The following CDKAL1 variants were observed in gnomAD, a reference collection of about 807,000 sequenced individuals.
The protein encoded by CDKAL1 is CDKAL1 threonylcarbamoyladenosine tRNA methylthiotransferase.
Under a neutral mutation model 68.2 loss-of-function variants are expected in CDKAL1, and 32 were observed. That is an observed-to-expected ratio of 0.47 (90% confidence interval 0.35 to 0.63). The LOEUF (loss-of-function observed/expected upper bound fraction) is 0.63. CDKAL1 is among the 30% of genes least tolerant of loss of function. The pLI, the probability that CDKAL1 is intolerant of heterozygous loss-of-function variation, is 0.00. For synonymous variants in CDKAL1, 234 were observed against 244.3 expected, an observed-to-expected ratio of 0.96 and a Z score of 0.39; for missense variants, 606 against 696.7, an observed-to-expected ratio of 0.87 and a Z score of 1.47.
intron 9 of CDKAL1, among the ~76,000 whole-genome samples, chr6:20,931,371 C>T (rs1763450397): frequency 6.6e-6 from 1 of 152,160 alleles, no homozygotes; most frequent in Admixed American, 6.5e-5. Flanking sequence ...AATCCAGTGT[C>T]ACCATACAAT....
At chr6:20,999,230 TTTTC>T (rs1301459317) in intron 10 of CDKAL1, among the ~76,000 whole-genome samples, 1 of 152,166 alleles carries the variant, frequency 6.6e-6, no homozygotes, top group Non-Finnish European at 1.5e-5. Context: ...TTCTTTTCAC[TTTTC>T]TTTTTCTTTT....
At chr6:20,787,593 G>A (rs1775729497) in intron 8 of CDKAL1, among the ~76,000 whole-genome samples, 1 of 152,142 alleles carries the variant, frequency 6.6e-6, no homozygotes, top group South Asian at 2.1e-4. Context: ...TTGTATGAAA[G>A]GTTCACTTGA....
rs748595433 is a variant in CDKAL1 at position 21,201,136 on chromosome 6, C to A, written c.1410C>A (p.Phe470Leu). 48 of 1,613,108 alleles carry A rather than the reference C, an allele frequency of 3.0e-5. No individual in the cohort carries two copies. Among genetic ancestry groups the A allele is most frequent in the Non-Finnish European group, 4.0e-5 (47 of 1,179,400 alleles). ...EQVLVPKNPA[F>L]MGKMVEVDIY... ...TTTTAGTGCCAAAGAACCCTGCGTT[C>A]ATGGGGAAGATGGTTGAAGTGGACA... Residue 470 changes from phenylalanine (F) to leucine (L), a missense_variant, in exon 15 of 16, where the codon TTC (phenylalanine) becomes TTA (leucine). Phe to Leu is a conservative substitution (Grantham distance 22). Transcript: ENST00000274695.
At chr6:20,742,757 G>C (rs185861810) in intron 6 of CDKAL1, among the ~76,000 whole-genome samples, 231 of 151,536 alleles carry the variant, frequency 1.5e-3, no homozygotes, top group Non-Finnish European at 2.8e-3. Flanking sequence ...ACATTTCAGA[G>C]GTGTAATTTA....
chr6:20,592,600 C>T (rs1385287883), intron 4 of CDKAL1, among the ~76,000 whole-genome samples: 1 of 151,984 alleles, frequency 6.6e-6, no homozygotes, highest in African/African-American at 2.4e-5. Context: ...TCCCACGTGG[C>T]TGGGATCACA....
At chr6:20,750,231 A>G (rs1773856904) in intron 6 of CDKAL1, among the ~76,000 whole-genome samples, 1 of 152,068 alleles carries the variant, frequency 6.6e-6, no homozygotes. Flanking sequence ...ACATGCCACC[A>G]CACATGGCTA....
intron 9 of CDKAL1, among the ~76,000 whole-genome samples, chr6:20,869,489 A>T (rs767476467): frequency 6.6e-6 from 1 of 152,230 alleles, no homozygotes; most frequent in Non-Finnish European, 1.5e-5. Flanking sequence ...TGTCTCAAAT[A>T]TAACAAAAAC....
chr6:20,612,781 G>A (rs565005478), intron 4 of CDKAL1, among the ~76,000 whole-genome samples: 1 of 151,972 alleles, frequency 6.6e-6, no homozygotes, highest in Non-Finnish European at 1.5e-5. Context: ...TTTGTTGTCT[G>A]TGCTTTTGAG....
chr6:20,853,391 C>A (rs6908918), intron 9 of CDKAL1, among the ~76,000 whole-genome samples: 17,240 of 55,032 alleles, frequency 0.31, 1,403 homozygotes, highest in East Asian at 0.53. Flanking sequence ...AAAAACAAAA[C>A]AAAAAAAAAA....
At chr6:21,100,699 ATTT>A (rs5874801) in intron 12 of CDKAL1, among the ~76,000 whole-genome samples, 1 of 151,578 alleles carries the variant, frequency 6.6e-6, no homozygotes, top group African/African-American at 2.4e-5. Context: ...ATTTTGGGGT[ATTT>A]TTTTTATCAC....
intron 9 of CDKAL1, among the ~76,000 whole-genome samples, chr6:20,905,438 A>T (rs1762189261): frequency 6.6e-6 from 1 of 152,208 alleles, no homozygotes. Context: ...ATGGAGTATA[A>T]GGGACCTGTG....
chr6:20,750,389 C>T (rs949784323), intron 6 of CDKAL1, among the ~76,000 whole-genome samples: 36 of 152,116 alleles, frequency 2.4e-4, no homozygotes, highest in Non-Finnish European at 4.1e-4. Flanking sequence ...CTTTGTAGTT[C>T]ATAGTTAGTG....
At chr6:20,930,746 ATT>A (rs34094116) in intron 9 of CDKAL1, among the ~76,000 whole-genome samples, 195 of 142,304 alleles carry the variant, frequency 1.4e-3, no homozygotes, top group Admixed American at 1.3e-3. Flanking sequence ...TATTATGTGT[ATT>A]TTTTTTTTTT....
intron 8 of CDKAL1, among the ~76,000 whole-genome samples, chr6:20,797,468 A>T (rs375249012): frequency 1.3e-5 from 2 of 152,196 alleles, no homozygotes; most frequent in South Asian, 4.1e-4. Context: ...TGTACTTATC[A>T]TATGACGAAC....
rs367818741 is a variant in CDKAL1, at chr6:21,000,402, C to G, written c.1055+30C>G. ...GTCTGTTAGTACTTAAGAAAATAAC[C>G]ATTTCTTTTTTCTTTCAAAAGCTTG... On this transcript the variant is annotated intron_variant, in intron 11 of 15. Coordinates refer to ENST00000274695, the MANE Select transcript of CDKAL1 (RefSeq NM_017774.3). The G allele has an allele frequency of 4.6e-4, 721 of 1,569,426 alleles. 1 individual carries two copies. The highest frequency in any genetic ancestry group is 6.0e-4 in the Non-Finnish European group (691 of 1,147,460).
intron 5 of CDKAL1, among the ~76,000 whole-genome samples, chr6:20,661,519 A>T (rs1489731586): frequency 6.6e-6 from 1 of 152,040 alleles, no homozygotes; most frequent in East Asian, 1.9e-4. Context: ...GAATATTATC[A>T]TGTGATGTAT....
rs55998379 is a variant in CDKAL1 at position 20,549,580 on chromosome 6, ATATTTATTTATTTATT to A, written c.286+902_286+917del. ...CTGCTATCTTGTTTTCTTTACATTT[ATATTTATTTATTTATT>A]TATTTATTTATTTATTTATTTATTT... On this transcript the variant is annotated intron_variant, in intron 4 of 15. Transcript: ENST00000274695. 4.3e-3 allele frequency among the ~76,000 whole-genome samples: 632 copies of A among 147,862 alleles called. 6 individuals carry two copies. Among genetic ancestry groups the A allele is most frequent in the Admixed American group, 7.8e-3 (116 of 14,794 alleles).
chr6:20,871,964 A>T (rs1232342950), intron 9 of CDKAL1, among the ~76,000 whole-genome samples: 1 of 152,134 alleles, frequency 6.6e-6, no homozygotes, highest in Non-Finnish European at 1.5e-5. Flanking sequence ...TTTGCAACTA[A>T]TTTGGCCCAA....
At chr6:20,798,218 CAG>C (rs1412232110) in intron 8 of CDKAL1, among the ~76,000 whole-genome samples, 3 of 151,928 alleles carry the variant, frequency 2.0e-5, no homozygotes, top group African/African-American at 4.8e-5. Context: ...GTGAGGAGGG[CAG>C]AGAGTGTTTG....
Sources: allele counts gnomAD v4.1 joint callset (sites outside exome capture counted in the v4.1 genomes callset), GRCh38; gene constraint gnomAD v4.1.1; transcripts MANE v1.5; gene names NCBI Gene and HGNC (gene_info 2026-07-23, HGNC 2026-07-21).